The following FAM107B variants were observed in gnomAD, a reference collection of about 807,000 sequenced individuals.
FAM107B encodes family with sequence similarity 107 member B.
In FAM107B, 21 loss-of-function variants were observed where a neutral mutation model predicts 31.5. The ratio of observed to expected loss-of-function variants is 0.67; its 90% CI spans 0.47 to 0.96. FAM107B has a LOEUF of 0.96. Ranked by LOEUF, FAM107B falls within the 40% of genes least tolerant of loss-of-function variation. The pLI, the probability that FAM107B is intolerant of heterozygous loss-of-function variation, is 0.00. For synonymous variants in FAM107B, 157 were observed against 141.5 expected (o/e 1.11, Z -0.78); for missense variants, 452 against 377.1 (o/e 1.20, Z -1.64).
chr10:14,548,173 G>A (rs1054520148), intron 2 of FAM107B, among the ~76,000 whole-genome samples: 3 of 152,180 alleles, frequency 2.0e-5, no homozygotes, highest in African/African-American at 4.8e-5. Flanking sequence ...TGTCTCCTAC[G>A]GGGGAGCACA....
intron 2 of FAM107B, among the ~76,000 whole-genome samples, chr10:14,595,577 C>A (rs1426454039): frequency 6.6e-6 from 1 of 152,038 alleles, no homozygotes; most frequent in Non-Finnish European, 1.5e-5. Flanking sequence ...AGGCGTGCAC[C>A]ACCACGCCTG....
intron 1 of FAM107B, among the ~76,000 whole-genome samples, chr10:14,680,305 G>A (rs1284067464): frequency 6.6e-6 from 1 of 152,138 alleles, no homozygotes; most frequent in Non-Finnish European, 1.5e-5. Context: ...CGGGTGCGGT[G>A]GCTCATGACT....
intron 2 of FAM107B, among the ~76,000 whole-genome samples, chr10:14,604,602 C>G (rs1374048241): frequency 6.6e-6 from 1 of 151,668 alleles, no homozygotes; most frequent in Non-Finnish European, 1.5e-5. Flanking sequence ...GCTCGGCCTC[C>G]GGGACTCGGT....
At position 14,521,170 on chromosome 10, in the gene FAM107B, G is replaced by T; in HGVS notation, c.*20C>A. On this transcript the variant is annotated 3_prime_UTR_variant, in exon 5 of 5. Coordinates refer to ENST00000181796, the MANE Select transcript of FAM107B (RefSeq NM_031453.4). ...GACAGCTCTGTGGGGTGACACACGA[G>T]GTCTTGGTGCAGCCTCAGCCTAGGA... 6.3e-7 allele frequency: 1 copy of T among 1,594,968 alleles called. No individual in the cohort carries two copies. The highest frequency in any genetic ancestry group is 8.6e-7 in the Non-Finnish European group (1 of 1,163,170).
At chr10:14,693,960 G>C (rs1350563339) in intron 1 of FAM107B, among the ~76,000 whole-genome samples, 1 of 152,142 alleles carries the variant, frequency 6.6e-6, no homozygotes, top group Non-Finnish European at 1.5e-5. Context: ...ATGAAAATTT[G>C]ATCATGCAAT....
intron 1 of FAM107B, among the ~76,000 whole-genome samples, chr10:14,707,149 C>CA (rs1249348811): frequency 1.3e-5 from 2 of 151,388 alleles, no homozygotes; most frequent in African/African-American, 2.4e-5. Context: ...ACAACAACAA[C>CA]AAAAAAACAA....
intron 2 of FAM107B, among the ~76,000 whole-genome samples, chr10:14,578,863 C>T (rs772964045): frequency 1.1e-4 from 17 of 152,184 alleles, no homozygotes; most frequent in Non-Finnish European, 4.4e-5. Flanking sequence ...CGCAAGTTAG[C>T]TCACCTGTGG....
chr10:14,572,379 A>C, intron 2 of FAM107B: 1 of 985,382 alleles, frequency 1.0e-6, no homozygotes, highest in Non-Finnish European at 1.2e-6. Context: ...TGACTGCAGG[A>C]AGCATGCGTG....
chr10:14,523,003 T>G (rs1845832874), intron 3 of FAM107B, among the ~76,000 whole-genome samples: 2 of 152,118 alleles, frequency 1.3e-5, no homozygotes. Flanking sequence ...AGAGATAAAT[T>G]AGGCTACCAT....
At chr10:14,716,071 T>C (rs551250866) in intron 1 of FAM107B, among the ~76,000 whole-genome samples, 5 of 152,342 alleles carry the variant, frequency 3.3e-5, no homozygotes, top group Admixed American at 1.3e-4. Context: ...GAGACTGGCA[T>C]CCAGGGTATA....
chr10:14,522,079 A>G (rs1307414302), intron 3 of FAM107B, 60 bp from the exon 4 acceptor site: 14 of 1,563,916 alleles, frequency 9.0e-6, no homozygotes, highest in Non-Finnish European at 1.1e-5. Flanking sequence ...TTTTTTATGA[A>G]CAGAAATTTA....
At chr10:14,657,493 C>G (rs527722905) in intron 2 of FAM107B, among the ~76,000 whole-genome samples, 2 of 152,284 alleles carry the variant, frequency 1.3e-5, no homozygotes, top group African/African-American at 4.8e-5. Context: ...AGACAGACAC[C>G]TCCAGCCCCA....
intron 1 of FAM107B, among the ~76,000 whole-genome samples, chr10:14,741,420 G>C (rs1335341868): frequency 6.6e-6 from 1 of 152,180 alleles, no homozygotes; most frequent in Non-Finnish European, 1.5e-5. Context: ...TTAGGCCAGA[G>C]AGAGAGCATC....
chr10:14,598,400 A>G (rs1852256753), intron 2 of FAM107B, among the ~76,000 whole-genome samples: 1 of 152,218 alleles, frequency 6.6e-6, no homozygotes. Flanking sequence ...GTTCCGCCAC[A>G]AGCACGAGCA....
chr10:14,642,528 C>G (rs1853653431), intron 2 of FAM107B, among the ~76,000 whole-genome samples: 1 of 152,198 alleles, frequency 6.6e-6, no homozygotes, highest in Admixed American at 6.5e-5. Flanking sequence ...TGTCATGTCT[C>G]TATCCCCTTC....
intron 4 of FAM107B, 39 bp downstream of exon 4, chr10:14,521,830 A>G (rs1456107478): frequency 6.2e-7 from 1 of 1,602,130 alleles, no homozygotes. Context: ...TCTTCAAGAC[A>G]AAAACAAAAA....
chr10:14,539,415 C>A (rs1044369336), intron 2 of FAM107B, among the ~76,000 whole-genome samples: 1 of 152,160 alleles, frequency 6.6e-6, no homozygotes, highest in Middle Eastern at 3.4e-3. Flanking sequence ...CTTGTACCTC[C>A]CCAAAGTCTG....
chr10:14,595,284 C>T (rs373462595), intron 2 of FAM107B, among the ~76,000 whole-genome samples: 12 of 152,298 alleles, frequency 7.9e-5, no homozygotes, highest in African/African-American at 2.9e-4. Flanking sequence ...AGCATTTCTG[C>T]AGGTACTTTC....
chr10:14,631,511 A>C (rs1371383938), intron 2 of FAM107B, among the ~76,000 whole-genome samples: 1 of 152,214 alleles, frequency 6.6e-6, no homozygotes, highest in African/African-American at 2.4e-5. Flanking sequence ...AAATTCCTTA[A>C]GACCAGATCA....
Sources: gnomAD v4.1 joint callset for allele counts (sites outside exome capture counted in the v4.1 genomes callset) on GRCh38, gnomAD v4.1.1 for gene constraint, MANE v1.5 for transcripts, NCBI Gene and HGNC (gene_info 2026-07-23, HGNC 2026-07-21) for gene names.